VAV3: variants seen among roughly 807,000 people sequenced by gnomAD.
The protein encoded by VAV3 is guanine nucleotide exchange factor VAV3.
Under a neutral mutation model 131.2 loss-of-function variants are expected in VAV3, and 94 were observed. That is an observed-to-expected ratio of 0.72 (90% CI 0.61 to 0.85). The LOEUF (loss-of-function observed/expected upper bound fraction) is 0.85. Ranked by LOEUF, VAV3 falls within the 40% of genes least tolerant of loss-of-function variation. VAV3 has a pLI of 0.00. For synonymous variants in VAV3, 349 were observed against 342.0 expected, an observed-to-expected ratio of 1.02 and a Z score of -0.22; for missense variants, 939 against 1,002.7, an observed-to-expected ratio of 0.94 and a Z score of 0.86.
intron 4 of VAV3, among the ~76,000 whole-genome samples, chr1:107,774,359 G>A (rs181106203): frequency 2.6e-5 from 4 of 152,256 alleles, no homozygotes; most frequent in African/African-American, 7.2e-5. Context: ...GAGCCACCGC[G>A]CCTGGCTGAC....
chr1:107,581,492 A>C (rs1208757735), intron 25 of VAV3, among the ~76,000 whole-genome samples: 1 of 152,246 alleles, frequency 6.6e-6, no homozygotes, highest in Admixed American at 6.5e-5. Flanking sequence ...TACTAACATT[A>C]CCTAATATAA....
At chr1:107,706,151 C>T (rs187673916) in intron 15 of VAV3, among the ~76,000 whole-genome samples, 155 of 152,140 alleles carry the variant, frequency 1.0e-3, no homozygotes, top group African/African-American at 3.5e-3. Flanking sequence ...ATGATATGCT[C>T]CGAGACGTTA....
chr1:107,790,873 A>T (rs1040891727), intron 2 of VAV3, among the ~76,000 whole-genome samples: 5 of 151,826 alleles, frequency 3.3e-5, no homozygotes, highest in South Asian at 4.2e-4. Context: ...TTTTTACTAG[A>T]GACGGGGTTT....
intron 15 of VAV3, among the ~76,000 whole-genome samples, chr1:107,734,098 T>C (rs2101982595): frequency 6.6e-6 from 1 of 152,298 alleles, no homozygotes; most frequent in East Asian, 1.9e-4. Context: ...GAATTTCATA[T>C]CCAGCCAAAC....
chr1:107,626,771 A>C (rs918466447), intron 20 of VAV3, among the ~76,000 whole-genome samples: 1 of 152,156 alleles, frequency 6.6e-6, no homozygotes, highest in Admixed American at 6.6e-5. Context: ...GTTCCAAGAA[A>C]TGTTTACTCT....
At chr1:107,703,517 C>T (rs1211522755) in intron 17 of VAV3, among the ~76,000 whole-genome samples, 4 of 152,176 alleles carry the variant, frequency 2.6e-5, no homozygotes, top group African/African-American at 9.6e-5. Context: ...TTTATAGCTG[C>T]TCATGCCTAG....
intron 1 of VAV3, among the ~76,000 whole-genome samples, chr1:107,926,214 G>A (rs1008599022): frequency 2.0e-5 from 3 of 152,246 alleles, no homozygotes; most frequent in South Asian, 2.1e-4. Context: ...CCCGGGAGTG[G>A]AGGTTGCAGT....
At chr1:107,791,152 T>C (rs949609003) in intron 2 of VAV3, among the ~76,000 whole-genome samples, 3 of 152,172 alleles carry the variant, frequency 2.0e-5, no homozygotes, top group Admixed American at 1.3e-4. Context: ...TGCTGTGATT[T>C]GGCTGCATTT....
chr1:107,862,100 C>A (rs1050341633), intron 2 of VAV3, among the ~76,000 whole-genome samples: 1 of 151,526 alleles, frequency 6.6e-6, no homozygotes, highest in Non-Finnish European at 1.5e-5. Flanking sequence ...GAGAAAGGCC[C>A]ATATTCAACT....
intron 15 of VAV3, among the ~76,000 whole-genome samples, chr1:107,713,871 C>T (rs996032299): frequency 6.6e-6 from 1 of 152,110 alleles, no homozygotes; most frequent in Non-Finnish European, 1.5e-5. Context: ...TGCTCATCAT[C>T]TCCTATAAAG....
chr1:107,656,764 T>C (rs1656593727), intron 19 of VAV3, among the ~76,000 whole-genome samples: 1 of 151,890 alleles, frequency 6.6e-6, no homozygotes, highest in African/African-American at 2.4e-5. Flanking sequence ...AAAAAGGAAA[T>C]TATCCTAGCT....
In VAV3 at chr1:107,873,221, T is replaced by C. The variant is rs12030912; in HGVS notation, c.321+1680A>G. On this transcript the variant is annotated intron_variant, in intron 2 of 26. Transcript: ENST00000370056. ...CAATTTTTTGTAGTATCAACTCTCC[T>C]ACAAAGCTTCCGTTGTCTAATCAAT... Among the ~76,000 whole-genome samples the C allele has an allele frequency of 7.8e-4, 119 of 152,298 alleles. No individual in the cohort carries two copies. The East Asian group carries it at 0.022, about 28-fold the overall frequency.
At chr1:107,675,245 C>T (rs867707822) in intron 19 of VAV3, among the ~76,000 whole-genome samples, 2 of 152,162 alleles carry the variant, frequency 1.3e-5, no homozygotes, top group Non-Finnish European at 2.9e-5. Flanking sequence ...GTATCAATAA[C>T]CACCACTATC....
rs539227689 is a variant in VAV3, at chr1:107,694,839, A to G, written c.1706-6433T>C. 3.9e-5 allele frequency among the ~76,000 whole-genome samples: 6 copies of G among 152,304 alleles called. No homozygotes were observed. The South Asian group carries it at 1.2e-3, about 32-fold the overall frequency. On this transcript the variant is annotated intron_variant, in intron 17 of 26. Transcript: ENST00000370056. ...ACACCAATTAGGTATGGTTCCTATC[A>G]TTGAGAGGGCTGCAGTCTAATTGAG...
chr1:107,816,937 G>C (rs1415868545), intron 2 of VAV3, among the ~76,000 whole-genome samples: 1 of 152,216 alleles, frequency 6.6e-6, no homozygotes, highest in Non-Finnish European at 1.5e-5. Context: ...CATTGAACAC[G>C]GCCAGAGTCT....
At chr1:107,648,574 G>C (rs989761980) in intron 19 of VAV3, among the ~76,000 whole-genome samples, 2 of 151,950 alleles carry the variant, frequency 1.3e-5, no homozygotes, top group Admixed American at 1.3e-4. Flanking sequence ...GGGATGTAAG[G>C]AATCCAGTTT....
chr1:107,883,877 C>T (rs1379901699), intron 1 of VAV3, among the ~76,000 whole-genome samples: 1 of 152,166 alleles, frequency 6.6e-6, no homozygotes, highest in East Asian at 1.9e-4. Context: ...CTGTCAACAC[C>T]TGCATTAGTC....
At chr1:107,711,285 T>G (rs1660766911) in intron 15 of VAV3, among the ~76,000 whole-genome samples, 1 of 152,202 alleles carries the variant, frequency 6.6e-6, no homozygotes, top group Admixed American at 6.5e-5. Flanking sequence ...GTGTAGCATC[T>G]CTGTCTGGAA....
At chr1:107,880,403 C>T (rs17558834) in intron 1 of VAV3, among the ~76,000 whole-genome samples, 4,815 of 152,134 alleles carry the variant, frequency 0.032, 103 homozygotes, top group Middle Eastern at 0.11. Flanking sequence ...TGGACAAGAG[C>T]GCTGACAGAA....
Sources: gnomAD v4.1 joint callset for allele counts (sites outside exome capture counted in the v4.1 genomes callset) on GRCh38, gnomAD v4.1.1 for gene constraint, MANE v1.5 for transcripts, NCBI Gene and HGNC (gene_info 2026-07-23, HGNC 2026-07-21) for gene names.